The following NBPF12 variants were observed in gnomAD, a reference collection of about 807,000 sequenced individuals.
NBPF12 encodes NBPF member 12, also known as NBPF family member NBPF12.
Under a neutral mutation model 146.4 loss-of-function variants are expected in NBPF12, and 115 were observed. The observed-to-expected ratio is 0.79, with a 90% CI of 0.68 to 0.92. NBPF12 has a LOEUF of 0.92. Ranked by LOEUF, NBPF12 falls within the 40% of genes least tolerant of loss-of-function variation. The probability of loss-of-function intolerance (pLI) is 0.00; values close to 1 mark genes in which losing one functional copy is unlikely to be tolerated. For synonymous variants in NBPF12, 385 were observed against 508.9 expected (o/e 0.76, Z 3.28); for missense variants, 1,205 against 1,326.8 (o/e 0.91, Z 1.43).
At chr1:146,976,655 C>T (rs1461919475) in intron 16 of NBPF12, among the ~76,000 whole-genome samples, 4 of 151,394 alleles carry the variant, frequency 2.6e-5, no homozygotes, top group Admixed American at 2.6e-4. Flanking sequence ...CTGCCAAAGT[C>T]CAGAGAGAGG....
intron 2 of NBPF12, among the ~76,000 whole-genome samples, chr1:146,955,214 G>A (rs1477921660): frequency 1.7e-5 from 1 of 57,368 alleles, no homozygotes; most frequent in Non-Finnish European, 3.3e-5. Flanking sequence ...CCATAAGAAT[G>A]GCTAAAATTA....
chr1:146,962,022 G>A (rs1655882533), intron 4 of NBPF12, 139 bp from the exon 8 acceptor site: 2 of 711,818 alleles, frequency 2.8e-6, no homozygotes, highest in East Asian at 2.5e-5. Context: ...GAAGAGTAAA[G>A]ATGTGGAAAT....
At position 146,951,307 on chromosome 1, in the gene NBPF12, C is replaced by T; in HGVS notation, c.-325-41C>T. 8.7e-6 allele frequency: 6 copies of T among 690,416 alleles called. No individual in the cohort carries two copies. In the South Asian group the frequency reaches 9.6e-5, roughly 11 times the overall value. 42.8% of individuals were successfully genotyped at this position (690,416 alleles called of 1,614,324 possible). On this transcript the variant is annotated intron_variant, in intron 1 of 33. Transcript: ENST00000617844. ...AAGTGTCTCATTGGTAAAACCTTTT[C>T]CTCTGGGGAGGTAAATAAATTATTT...
intron 13 of NBPF12, among the ~76,000 whole-genome samples, chr1:146,971,664 C>G: frequency 1.3e-5 from 2 of 150,080 alleles, no homozygotes; most frequent in Non-Finnish European, 2.9e-5. Flanking sequence ...GTGCTGCGTG[C>G]CTATAGTCCC....
chr1:146,955,011 T>TATATAC (rs1655519571), intron 2 of NBPF12, among the ~76,000 whole-genome samples: 1 of 78,886 alleles, frequency 1.3e-5, no homozygotes, highest in African/African-American at 5.1e-5. Context: ...TATATATATA[T>TATATAC]ATACACACAC....
intron 2 of NBPF12, among the ~76,000 whole-genome samples, chr1:146,955,011 TATAC>T (rs1465011952): frequency 1.3e-4 from 10 of 78,886 alleles, no homozygotes; most frequent in Non-Finnish European, 2.0e-4. Flanking sequence ...TATATATATA[TATAC>T]ACACACACAC....
chr1:146,969,743 A>G (rs1314727623), intron 11 of NBPF12, 147 bp downstream of exon 14: 13 of 1,490,592 alleles, frequency 8.7e-6, no homozygotes, highest in Non-Finnish European at 1.2e-5. Context: ...TTCCTGGGTA[A>G]GAACGGAGAT....
At chr1:146,978,242 T>C (rs1657171082) in intron 18 of NBPF12, among the ~76,000 whole-genome samples, 1 of 148,386 alleles carries the variant, frequency 6.7e-6, no homozygotes, top group African/African-American at 2.5e-5. Context: ...GATCCAATGT[T>C]TGTTTGTAGC....
At chr1:146,939,738 C>T (rs1275914371) in intron 1 of NBPF12, among the ~76,000 whole-genome samples, 3 of 151,936 alleles carry the variant, frequency 2.0e-5, no homozygotes, top group Non-Finnish European at 2.9e-5. Flanking sequence ...GAAAGAAGCA[C>T]TTTAAGAGGC....
At chr1:146,955,008 A>G (rs1655518581) in intron 2 of NBPF12, among the ~76,000 whole-genome samples, 1 of 111,540 alleles carries the variant, frequency 9.0e-6, no homozygotes, top group Non-Finnish European at 1.8e-5. Flanking sequence ...ATATATATAT[A>G]TATATACACA....
Position 146,971,398 on chromosome 1 carries a change from G to T in NBPF12, c.1591+4G>T. 6.2e-7 allele frequency: 1 copy of T among 1,608,624 alleles called. No homozygotes were observed. Among genetic ancestry groups the T allele is most frequent in the South Asian group, 1.1e-5 (1 of 90,914 alleles). On this transcript the variant is annotated splice_donor_region_variant and intron_variant, in intron 13 of 33. Transcript: ENST00000617844. ...GATGCTCTAAACATTCTCCCAGGTA[G>T]CCTCTATTTTCCTTGTGTCTCATAC...
At chr1:146,950,724 G>A (rs1425049256) in intron 1 of NBPF12, among the ~76,000 whole-genome samples, 1 of 152,064 alleles carries the variant, frequency 6.6e-6, no homozygotes, top group Non-Finnish European at 1.5e-5. Flanking sequence ...TGGAATGAAT[G>A]TATCACATTC....
chr1:146,954,834 C>T (rs1377061251), intron 2 of NBPF12, among the ~76,000 whole-genome samples: 1 of 147,796 alleles, frequency 6.8e-6, no homozygotes, highest in Non-Finnish European at 1.5e-5. Flanking sequence ...TAGATACTCA[C>T]ATGTATGTCT....
Position 146,965,108 on chromosome 1 carries a change from G to A in NBPF12, c.778+4G>A, listed in dbSNP as rs1656103804. ...GATGCTCTAAACATTCTCCCAGGTA[G>A]CCTCTATTTTCCTTGTGTCTCATAC... On this transcript the variant is annotated splice_donor_region_variant and intron_variant, in intron 8 of 33. Transcript: ENST00000617844. 1.4e-5 allele frequency: 22 copies of A among 1,564,244 alleles called. No individual in the cohort carries two copies. The highest frequency in any genetic ancestry group is 1.9e-5 in the Non-Finnish European group (22 of 1,138,044).
intron 7 of NBPF12, 142 bp downstream of exon 10, chr1:146,964,571 CAG>C (rs1260324755): frequency 1.0e-5 from 14 of 1,339,566 alleles, no homozygotes; most frequent in East Asian, 4.6e-5. Flanking sequence ...AGCTTAGACA[CAG>C]GGTGCGACAG....
intron 25 of NBPF12, among the ~76,000 whole-genome samples, chr1:146,987,608 G>T (rs1434911839): frequency 5.3e-5 from 8 of 151,574 alleles, no homozygotes; most frequent in African/African-American, 2.0e-4. Flanking sequence ...TGTCCTGAGG[G>T]CACTAACTCA....
chr1:146,972,363 C>T (rs1262077950), intron 13 of NBPF12, among the ~76,000 whole-genome samples: 1 of 151,244 alleles, frequency 6.6e-6, no homozygotes, highest in Non-Finnish European at 1.5e-5. Context: ...CTCTGCACTG[C>T]AGCCTGCGTG....
upstream of NBPF12, among the ~76,000 whole-genome samples, chr1:146,947,306 C>T (rs1157493359): frequency 2.6e-5 from 4 of 151,190 alleles, no homozygotes; most frequent in Non-Finnish European, 5.9e-5. Flanking sequence ...TCCCCAGTAG[C>T]TTCTCTTCCC....
At chr1:146,944,968 C>T (rs1171533730), upstream of NBPF12, among the ~76,000 whole-genome samples, 1 of 73,240 alleles carries the variant, frequency 1.4e-5, no homozygotes, top group Non-Finnish European at 2.6e-5. Context: ...CCCTCCCTTC[C>T]TCCCTCCCTC....
Sources: allele counts gnomAD v4.1 joint callset (sites outside exome capture counted in the v4.1 genomes callset), GRCh38; gene constraint gnomAD v4.1.1; transcripts MANE v1.5; gene names NCBI Gene and HGNC (gene_info 2026-07-23, HGNC 2026-07-21).